BCAS3: variants seen among roughly 807,000 people sequenced by gnomAD.
BCAS3 encodes BCAS3 microtubule associated cell migration factor.
Under a neutral mutation model 116.1 loss-of-function variants are expected in BCAS3, and 53 were observed. The ratio of observed to expected loss-of-function variants is 0.46; its 90% CI spans 0.37 to 0.57. The LOEUF (loss-of-function observed/expected upper bound fraction) is 0.57. Among genes scored for constraint, BCAS3 ranks in the 20% least tolerant of loss-of-function variants. The pLI, the probability that BCAS3 is intolerant of heterozygous loss-of-function variation, is 0.00. For missense variants in BCAS3, 917 were observed against 1,165.4 expected, an observed-to-expected ratio of 0.79 and a Z score of 3.10; for synonymous variants, 391 against 408.2, an observed-to-expected ratio of 0.96 and a Z score of 0.51.
At chr17:61,242,841 C>G (rs2047631353) in intron 22 of BCAS3, among the ~76,000 whole-genome samples, 1 of 73,384 alleles carries the variant, frequency 1.4e-5, no homozygotes, top group African/African-American at 3.5e-5. Context: ...AAATGGAATT[C>G]TTTAAAAAAA....
rs185129171 is a variant in BCAS3, at chr17:61,034,632, A to G, written c.1638-34A>G. The G allele has an allele frequency of 1.7e-5, 27 of 1,560,284 alleles. 1 individual carries two copies. In the Admixed American group the frequency reaches 3.2e-4, roughly 18 times the overall value. On this transcript the variant is annotated intron_variant, in intron 16 of 23. Coordinates refer to ENST00000407086, the MANE Select transcript of BCAS3 (RefSeq NM_017679.5). The surrounding 1 kb of genome is among the most constrained non-coding windows in gnomAD (Gnocchi z 5.0). ...CCTAAAGGAGTATCATTTCATCATG[A>G]TAATTGTTTTTTACTCTTATTTTAT...
chr17:60,861,733 C>T (rs981104270), intron 7 of BCAS3, among the ~76,000 whole-genome samples: 38 of 152,040 alleles, frequency 2.5e-4, no homozygotes, highest in African/African-American at 8.4e-4. Flanking sequence ...TTTCTGCATC[C>T]CTTGAGATGA....
At chr17:61,357,261 TA>T (rs1568930628) in intron 22 of BCAS3, among the ~76,000 whole-genome samples, 7,565 of 141,822 alleles carry the variant, frequency 0.053, 253 homozygotes, top group African/African-American at 0.078. Context: ...AATAAATAAA[TA>T]AATAAATTAA....
At chr17:60,737,792 A>AT (rs1372626009) in intron 5 of BCAS3, among the ~76,000 whole-genome samples, 1 of 151,104 alleles carries the variant, frequency 6.6e-6, no homozygotes, top group Non-Finnish European at 1.5e-5. Flanking sequence ...TATTATTATT[A>AT]TTATTTTTTT....
In BCAS3 at chr17:61,286,779, A is replaced by T. The variant is rs191899370; in HGVS notation, c.2426-81548A>T. On this transcript the variant is annotated intron_variant, in intron 22 of 23. Transcript: ENST00000407086. The surrounding 1 kb of genome is among the most constrained non-coding windows in gnomAD (Gnocchi z 4.8). Reference sequence around the variant, plus strand: ...GCTTACCAGAGTGAGAAGTTAGCATATTGAGGCAAATTACACTACAGAGAT... The same window carrying T: ...GCTTACCAGAGTGAGAAGTTAGCATTTTGAGGCAAATTACACTACAGAGAT... 6.6e-6 allele frequency among the ~76,000 whole-genome samples: 1 copy of T among 152,272 alleles called. No homozygotes were observed.
At position 60,889,813 on chromosome 17, in the gene BCAS3, G is replaced by A. The variant is rs775639482; in HGVS notation, c.738+42G>A. 1.4e-5 allele frequency: 22 copies of A among 1,531,872 alleles called. 1 individual carries two copies. In the South Asian group the frequency reaches 2.4e-4, roughly 17 times the overall value. 94.9% of individuals were successfully genotyped at this position (1,531,872 alleles called of 1,614,324 possible). On this transcript the variant is annotated intron_variant, in intron 10 of 23. Coordinates refer to ENST00000407086, the MANE Select transcript of BCAS3 (RefSeq NM_017679.5). ...GTTTGGATTATTTGTAATGGAGCAA[G>A]TGTTGAAGGATTTTCCATAAAAAAT...
intron 7 of BCAS3, among the ~76,000 whole-genome samples, chr17:60,833,506 G>T (rs1254646649): frequency 6.6e-6 from 1 of 152,170 alleles, no homozygotes; most frequent in Non-Finnish European, 1.5e-5. Flanking sequence ...AGTTGCTGTG[G>T]TTACAGATTG....
In BCAS3 at chr17:61,343,603, C is replaced by G. The variant is rs1302379600; in HGVS notation, c.2426-24724C>G. ...GAAGTACTGGTTGAGGAAGCGTATG[C>G]AGAGGTTTGAGCCAAACAACTGGAT... is the stretch of plus-strand genomic sequence containing the variant. On this transcript the variant is annotated intron_variant, in intron 22 of 23. Transcript: ENST00000407086. The surrounding 1 kb of genome is among the most constrained non-coding windows in gnomAD (Gnocchi z 5.5). 6.6e-6 allele frequency among the ~76,000 whole-genome samples: 1 copy of G among 152,172 alleles called. No homozygotes were observed. The highest frequency in any genetic ancestry group is 2.4e-5 in the African/African-American group (1 of 41,436).
intron 15 of BCAS3, among the ~76,000 whole-genome samples, chr17:60,999,712 A>G (rs1004331867): frequency 4.6e-5 from 7 of 152,202 alleles, no homozygotes; most frequent in African/African-American, 4.8e-5. Context: ...TTTGGTAGGA[A>G]TAGTATTGAA....
intron 13 of BCAS3, among the ~76,000 whole-genome samples, chr17:60,942,670 A>G (rs1313201937): frequency 1.3e-5 from 2 of 152,284 alleles, no homozygotes; most frequent in South Asian, 4.1e-4. Flanking sequence ...GGATATTTTA[A>G]TATAGTGACT....
At chr17:61,069,372 C>T (rs2071071455) in intron 19 of BCAS3, among the ~76,000 whole-genome samples, 1 of 152,144 alleles carries the variant, frequency 6.6e-6, no homozygotes, top group Non-Finnish European at 1.5e-5. Flanking sequence ...AAAGAAGAAA[C>T]AAAGAAGAAC....
rs1417433640 is a variant in BCAS3 at position 61,139,158 on chromosome 17, G to A, written c.2425+54594G>A. ...TTTTCCCCCTGTACTTGTATTGCTAGTGATAGAAGTTCTGAATTACGGATA... is the reference window on the plus strand; with the variant it reads ...TTTTCCCCCTGTACTTGTATTGCTAATGATAGAAGTTCTGAATTACGGATA... On this transcript the variant is annotated intron_variant, in intron 22 of 23. Coordinates refer to ENST00000407086, the MANE Select transcript of BCAS3 (RefSeq NM_017679.5). The surrounding 1 kb of genome is among the most constrained non-coding windows in gnomAD (Gnocchi z 4.7). Among the ~76,000 whole-genome samples the A allele has an allele frequency of 6.6e-6, 1 of 152,136 alleles. No individual in the cohort carries two copies. The highest frequency in any genetic ancestry group is 1.9e-4 in the East Asian group (1 of 5,196).
rs771270350 is a variant in BCAS3 at position 61,034,728 on chromosome 17, C to G, written c.1700C>G (p.Ala567Gly). ...TCGATGGGCGGAGAATTTTGTGTGG[C>G]TGCTATCTTCGGAACATCCAGGTCA... ...SKSMGGEFCV[A>G]AIFGTSRSWF... The change falls in exon 17 of 24, where the codon GCT becomes GGT. Residue 567 changes from alanine to glycine, a missense_variant. Ala to Gly is a moderately conservative substitution (Grantham distance 60, BLOSUM62 0). This residue lies in a region of BCAS3 where 807 missense variants were observed against 1,026.0 expected (regional missense o/e 0.79). Coordinates refer to ENST00000407086, the MANE Select transcript of BCAS3 (RefSeq NM_017679.5). This position sits in a 1 kb window ranked among gnomAD's most constrained non-coding sequence, Gnocchi z 5.0. The G allele has an allele frequency of 4.3e-6, 7 of 1,612,414 alleles. No homozygotes were observed. In the South Asian group the frequency reaches 6.6e-5, roughly 15 times the overall value.
chr17:60,921,193 A>G (rs1199702484), intron 12 of BCAS3, among the ~76,000 whole-genome samples: 3 of 152,200 alleles, frequency 2.0e-5, no homozygotes, highest in Admixed American at 1.3e-4. Flanking sequence ...AATAAAGGAA[A>G]TGTGCTATTC....
chr17:60,858,418 C>T (rs2053863855), intron 7 of BCAS3, among the ~76,000 whole-genome samples: 1 of 151,740 alleles, frequency 6.6e-6, no homozygotes, highest in South Asian at 2.1e-4. Flanking sequence ...AGAAGGGACT[C>T]ATACAGTGTG....
rs1284587959 is a variant in BCAS3, at chr17:61,204,409, C to CT, written c.2425+119846dup. 6.6e-6 allele frequency among the ~76,000 whole-genome samples: 1 copy of CT among 152,012 alleles called. No individual in the cohort carries two copies. The highest frequency in any genetic ancestry group is 1.5e-5 in the Non-Finnish European group (1 of 68,010). On this transcript the variant is annotated intron_variant, in intron 22 of 23. Transcript: ENST00000407086. This position sits in a 1 kb window ranked among gnomAD's most constrained non-coding sequence, Gnocchi z 4.2. ...TTCACTATTTTTTGAAAATAATATT[C>CT]TATGTTTGGATTTGTCTTTTTTTCC...
rs1342966404 is a variant in BCAS3, at chr17:61,278,560, AC to A, written c.2426-89766del. On this transcript the variant is annotated intron_variant, in intron 22 of 23. Coordinates refer to ENST00000407086, the MANE Select transcript of BCAS3 (RefSeq NM_017679.5). This position sits in a 1 kb window ranked among gnomAD's most constrained non-coding sequence, Gnocchi z 5.8. ...TTCTGCGTTCCTTGTGGCATTATTC[AC>A]TATAGCCCAAAGATGCCAGCACCCT... Among the ~76,000 whole-genome samples, 15 of 152,206 alleles carry A rather than the reference AC, an allele frequency of 9.9e-5. No homozygotes were observed. The highest frequency in any genetic ancestry group is 4.6e-4 in the Admixed American group (7 of 15,282).
At chr17:60,812,905 T>A (rs548487508) in intron 7 of BCAS3, among the ~76,000 whole-genome samples, 1 of 151,956 alleles carries the variant, frequency 6.6e-6, no homozygotes, top group East Asian at 1.9e-4. Flanking sequence ...TTGGGCTAAT[T>A]AAAAAAAATT....
intron 2 of BCAS3, among the ~76,000 whole-genome samples, chr17:60,682,562 G>C (rs1416380818): frequency 6.6e-6 from 1 of 151,604 alleles, no homozygotes; most frequent in African/African-American, 2.4e-5. Flanking sequence ...TTGCTTTTTT[G>C]CCCAAGCTGG....
Sources: allele counts gnomAD v4.1 joint callset (sites outside exome capture counted in the v4.1 genomes callset), GRCh38; gene constraint gnomAD v4.1.1; regional missense constraint gnomAD v4.1.1; non-coding constraint Gnocchi (gnomAD v3.1); transcripts MANE v1.5; gene names NCBI Gene and HGNC (gene_info 2026-07-23, HGNC 2026-07-21).